DACH2: variants seen among roughly 807,000 people sequenced by gnomAD.
DACH2 encodes the protein dachshund family transcription factor 2.
A neutral mutation model predicts 35.8 loss-of-function variants in DACH2; 17 were observed. That is an observed-to-expected ratio of 0.48 (90% CI 0.33 to 0.71). The LOEUF is 0.71. Ranked by LOEUF, DACH2 falls within the 30% of genes least tolerant of loss-of-function variation. The pLI, the probability that DACH2 is intolerant of heterozygous loss-of-function variation, is 0.02. For synonymous variants in DACH2, 195 were observed against 177.3 expected, an observed-to-expected ratio of 1.10 and a Z score of -0.79; for missense variants, 469 against 472.7, an observed-to-expected ratio of 0.99 and a Z score of 0.07.
At chrX:86,231,487 A>C (rs185017513) in intron 1 of DACH2, among the ~76,000 whole-genome samples, 2 of 110,529 alleles carry the variant, frequency 1.8e-5, no homozygotes, top group East Asian at 5.8e-4. Context: ...TTCCCAGGTC[A>C]CTGGAGTTGT....
chrX:86,459,848 G>A lies in DACH2; in HGVS notation c.528-54431G>A, dbSNP rs753139012. Among the ~76,000 whole-genome samples, 3 of 96,127 alleles carry A rather than the reference G, an allele frequency of 3.1e-5. No homozygotes were observed. In the Admixed American group the frequency reaches 3.6e-4, roughly 12 times the overall value. 83.5% of individuals were successfully genotyped at this position (96,127 alleles called of 115,157 possible). ...ATAAAGTAAAACAAATGCCATTAAT[G>A]GGCTCTTGACTTTTTATAGGATTAT... On this transcript the variant is annotated intron_variant, in intron 2 of 11. Transcript: ENST00000373125.
intron 2 of DACH2, among the ~76,000 whole-genome samples, chrX:86,490,006 A>G (rs1223843849): frequency 8.9e-6 from 1 of 112,126 alleles, no homozygotes; most frequent in African/African-American, 3.2e-5. Flanking sequence ...AGAAAAAGCT[A>G]TGTAATCAAA....
At chrX:86,752,364 A>T (rs2041783220) in intron 7 of DACH2, among the ~76,000 whole-genome samples, 1 of 111,713 alleles carries the variant, frequency 9.0e-6, no homozygotes, top group African/African-American at 3.2e-5. Flanking sequence ...ATGTTGACCA[A>T]CTTTTCATAT....
chrX:86,819,216 T>C (rs1479888179), intron 11 of DACH2, among the ~76,000 whole-genome samples: 1 of 109,929 alleles, frequency 9.1e-6, no homozygotes, highest in African/African-American at 3.3e-5. Flanking sequence ...TCCTACAGAA[T>C]GTTTTCTGGT....
chrX:86,488,019 ATTATAC>A (rs1329532180), intron 2 of DACH2, among the ~76,000 whole-genome samples: 3 of 111,279 alleles, frequency 2.7e-5, no homozygotes. Flanking sequence ...TTTGGTAGGT[ATTATAC>A]TTATTGTATC....
intron 1 of DACH2, among the ~76,000 whole-genome samples, chrX:86,197,230 GC>G (rs1275377944): frequency 9.0e-6 from 1 of 111,315 alleles, no homozygotes; most frequent in Non-Finnish European, 1.9e-5. Flanking sequence ...TTCGATACCA[GC>G]CAACTGCCTT....
At chrX:86,210,821 G>A (rs936793401) in intron 1 of DACH2, among the ~76,000 whole-genome samples, 6 of 111,943 alleles carry the variant, frequency 5.4e-5, no homozygotes, top group Non-Finnish European at 7.5e-5. Context: ...ACAAGTTGCC[G>A]TATGAGTTCC....
At chrX:86,523,070 A>T (rs1310615162) in intron 3 of DACH2, among the ~76,000 whole-genome samples, 1 of 111,945 alleles carries the variant, frequency 8.9e-6, no homozygotes. Flanking sequence ...TGTGGTGTTC[A>T]TTCCTTAAAA....
intron 7 of DACH2, among the ~76,000 whole-genome samples, chrX:86,746,124 A>G (rs1175506824): frequency 8.9e-6 from 1 of 111,869 alleles, no homozygotes; most frequent in South Asian, 3.7e-4. Flanking sequence ...CATTGCATGG[A>G]TACATCATAT....
chrX:86,155,886 A>G (rs1415189851), intron 1 of DACH2, among the ~76,000 whole-genome samples: 1 of 111,018 alleles, frequency 9.0e-6, no homozygotes, highest in African/African-American at 3.3e-5. Flanking sequence ...GGTTAGGCTA[A>G]TGTTGGATGT....
intron 2 of DACH2, among the ~76,000 whole-genome samples, chrX:86,407,514 G>A (rs771454894): frequency 2.5e-4 from 28 of 112,230 alleles, no homozygotes; most frequent in African/African-American, 8.4e-4. Context: ...CTGTGGACCA[G>A]CATACTTTGT....
intron 1 of DACH2, among the ~76,000 whole-genome samples, chrX:86,283,893 C>CACACACACAT (rs1438551277): frequency 2.9e-5 from 3 of 102,503 alleles, no homozygotes; most frequent in African/African-American, 1.3e-4. Context: ...CACACACACA[C>CACACACACAT]ATACACACAC....
chrX:86,393,539 G>A (rs1394994136), intron 2 of DACH2, among the ~76,000 whole-genome samples: 1 of 112,335 alleles, frequency 8.9e-6, no homozygotes, highest in Non-Finnish European at 1.9e-5. Context: ...AACTTTGAGA[G>A]AAACTGCAAA....
chrX:86,759,078 C>T (rs899224324), intron 7 of DACH2, among the ~76,000 whole-genome samples: 1 of 111,451 alleles, frequency 9.0e-6, no homozygotes, highest in East Asian at 2.8e-4. Flanking sequence ...CTGTGGTAGA[C>T]GTCCTTCTCC....
At chrX:86,524,887 T>G (rs1316563222) in intron 3 of DACH2, among the ~76,000 whole-genome samples, 1 of 111,086 alleles carries the variant, frequency 9.0e-6, no homozygotes, top group Non-Finnish European at 1.9e-5. Flanking sequence ...CATATGATAA[T>G]AATCTATATA....
chrX:86,556,386 A>G (rs2039118894), intron 3 of DACH2, among the ~76,000 whole-genome samples: 1 of 108,747 alleles, frequency 9.2e-6, no homozygotes, highest in South Asian at 3.9e-4. Context: ...ATGAGGAAAC[A>G]GAGAAGCTCC....
intron 7 of DACH2, among the ~76,000 whole-genome samples, chrX:86,740,794 C>G (rs901832384): frequency 1.8e-5 from 2 of 109,528 alleles, no homozygotes; most frequent in Non-Finnish European, 3.8e-5. Flanking sequence ...GATTATTGAG[C>G]GGTGAAATGA....
At chrX:86,333,577 T>G (rs975569588) in intron 1 of DACH2, among the ~76,000 whole-genome samples, 1 of 111,625 alleles carries the variant, frequency 9.0e-6, no homozygotes, top group Non-Finnish European at 1.9e-5. Flanking sequence ...AAAGTGCCCT[T>G]GAAGACTTAA....
intron 4 of DACH2, among the ~76,000 whole-genome samples, chrX:86,678,723 A>T (rs1019485950): frequency 2.7e-5 from 3 of 111,965 alleles, no homozygotes; most frequent in Non-Finnish European, 5.6e-5. Context: ...ACATAAAAAA[A>T]AATAGGCTGC....
Sources: gnomAD v4.1 joint callset for allele counts (sites outside exome capture counted in the v4.1 genomes callset) on GRCh38, gnomAD v4.1.1 for gene constraint, MANE v1.5 for transcripts, NCBI Gene and HGNC (gene_info 2026-07-23, HGNC 2026-07-21) for gene names.